The following SLC23A2 variants were observed in gnomAD, a reference collection of about 807,000 sequenced individuals.
The protein encoded by SLC23A2 is Na(+)/L-ascorbic acid transporter 2.
Under a neutral mutation model 73.3 loss-of-function variants are expected in SLC23A2, and 36 were observed. The ratio of observed to expected loss-of-function variants is 0.49; its 90% confidence interval spans 0.38 to 0.65. The LOEUF is 0.65. Among genes scored for constraint, SLC23A2 ranks in the 30% least tolerant of loss-of-function variants. The pLI, the probability that SLC23A2 is intolerant of heterozygous loss-of-function variation, is 0.00. For synonymous variants in SLC23A2, 343 were observed against 327.3 expected (o/e 1.05, Z -0.52); for missense variants, 507 against 841.6 (o/e 0.60, Z 4.92).
chr20:4,856,816 T>TC lies in SLC23A2; in HGVS notation c.*155dup. 1.6e-6 allele frequency: 1 copy of TC among 611,568 alleles called. No homozygotes were observed. Among genetic ancestry groups the TC allele is most frequent in the Non-Finnish European group, 2.9e-6 (1 of 344,178 alleles). 37.9% of individuals were successfully genotyped at this position (611,568 alleles called of 1,614,324 possible). A position where few individuals can be genotyped will look rare whatever the true frequency, so the allele number is the denominator to read the frequency against. On this transcript the variant is annotated 3_prime_UTR_variant, in exon 17 of 17. Transcript: ENST00000338244. The surrounding 1 kb of genome is among the most constrained non-coding windows in gnomAD (Gnocchi z 4.6). ...AGGCGAGACACCGCATCAGGCACCA[T>TC]CACCCTCACAGCAGAAAAGTGATTC...
intron 9 of SLC23A2, among the ~76,000 whole-genome samples, chr20:4,882,173 T>C (rs914373053): frequency 1.3e-5 from 2 of 152,038 alleles, no homozygotes; most frequent in African/African-American, 4.8e-5. Context: ...AGTCAGGAGT[T>C]TGAGACCAGC....
intron 2 of SLC23A2, among the ~76,000 whole-genome samples, chr20:4,945,166 G>T (rs1467693238): frequency 6.6e-6 from 1 of 152,122 alleles, no homozygotes; most frequent in Admixed American, 6.5e-5. Context: ...AGCAACGAAT[G>T]AACTTGTAAG....
rs551997534 is a variant in SLC23A2, at chr20:4,876,056, C to T, written c.825-1360G>A. Among the ~76,000 whole-genome samples the T allele has an allele frequency of 2.0e-5, 3 of 152,232 alleles. No homozygotes were observed. In the East Asian group the frequency reaches 5.8e-4, roughly 29 times the overall value. On this transcript the variant is annotated intron_variant, in intron 9 of 16. Coordinates refer to ENST00000338244, the MANE Select transcript of SLC23A2 (RefSeq NM_005116.6). ...ATCCATCAGGGGTCTCTGCCAGTAC[C>T]AGTTCAAGGTCGAAAACACACACAG...
intron 2 of SLC23A2, among the ~76,000 whole-genome samples, chr20:4,942,120 C>A (rs1445794539): frequency 2.0e-5 from 3 of 152,154 alleles, no homozygotes; most frequent in Admixed American, 6.6e-5. Context: ...AAGGCTGGTT[C>A]CCCTTACAGC....
intron 5 of SLC23A2, among the ~76,000 whole-genome samples, chr20:4,901,515 C>T (rs576736838): frequency 6.6e-6 from 1 of 152,140 alleles, no homozygotes; most frequent in East Asian, 1.9e-4. Flanking sequence ...AAACGTCCCG[C>T]GTTCATCCTA....
chr20:4,983,169 C>T (rs956621014), intron 1 of SLC23A2, among the ~76,000 whole-genome samples: 3 of 152,010 alleles, frequency 2.0e-5, no homozygotes, highest in Admixed American at 6.6e-5. Context: ...ACATTAAAAT[C>T]GATCAGAGAC....
At chr20:4,955,564 G>T (rs960686092) in intron 2 of SLC23A2, among the ~76,000 whole-genome samples, 1 of 152,132 alleles carries the variant, frequency 6.6e-6, no homozygotes, top group African/African-American at 2.4e-5. Context: ...CAAGGTAGGA[G>T]TAACACTTGA....
At chr20:4,927,125 C>T (rs1373043454) in intron 3 of SLC23A2, among the ~76,000 whole-genome samples, 1 of 152,040 alleles carries the variant, frequency 6.6e-6, no homozygotes, top group Non-Finnish European at 1.5e-5. Flanking sequence ...TAGCCACTAG[C>T]CACGTGTGGC....
chr20:4,882,953 C>T (rs1930951409), intron 9 of SLC23A2, among the ~76,000 whole-genome samples: 1 of 152,196 alleles, frequency 6.6e-6, no homozygotes, highest in Admixed American at 6.5e-5. Context: ...TCTGCAGACA[C>T]ATAGAGAATG....
At chr20:5,005,690 C>G (rs759886342), upstream of SLC23A2, among the ~76,000 whole-genome samples, 1 of 152,110 alleles carries the variant, frequency 6.6e-6, no homozygotes, top group Non-Finnish European at 1.5e-5. Context: ...AGGTACAGTA[C>G]TTATATAATG....
At chr20:4,993,999 A>T (rs895528833) in intron 1 of SLC23A2, among the ~76,000 whole-genome samples, 1 of 152,138 alleles carries the variant, frequency 6.6e-6, no homozygotes, top group African/African-American at 2.4e-5. Flanking sequence ...CTGAAGTGGG[A>T]GGATCTCTTG....
At chr20:4,876,305 C>T (rs1165459348) in intron 9 of SLC23A2, among the ~76,000 whole-genome samples, 1 of 152,164 alleles carries the variant, frequency 6.6e-6, no homozygotes, top group Non-Finnish European at 1.5e-5. Flanking sequence ...CACACCTGCA[C>T]ATTTAAGAGG....
chr20:4,937,317 A>G (rs970055993), intron 2 of SLC23A2, among the ~76,000 whole-genome samples: 4 of 152,176 alleles, frequency 2.6e-5, no homozygotes, highest in Non-Finnish European at 5.9e-5. Flanking sequence ...TGTGTGTGCC[A>G]ACCCGTGGTC....
chr20:4,925,151 T>G (rs1932627613), intron 3 of SLC23A2, among the ~76,000 whole-genome samples: 1 of 150,598 alleles, frequency 6.6e-6, no homozygotes, highest in East Asian at 2.0e-4. Context: ...ACACTGCACT[T>G]CAGCCTGAAT....
At chr20:4,963,337 C>T (rs1204216543) in intron 2 of SLC23A2, among the ~76,000 whole-genome samples, 1 of 152,062 alleles carries the variant, frequency 6.6e-6, no homozygotes, top group Non-Finnish European at 1.5e-5. Context: ...AGAAAATAAG[C>T]GAAGGGTATA....
chr20:4,922,635 T>TG (rs1396637055), intron 3 of SLC23A2, among the ~76,000 whole-genome samples: 1 of 152,100 alleles, frequency 6.6e-6, no homozygotes, highest in Non-Finnish European at 1.5e-5. Flanking sequence ...GAGACCATCC[T>TG]GGCCAACATG....
intron 2 of SLC23A2, among the ~76,000 whole-genome samples, chr20:4,959,147 A>G (rs954225101): frequency 7.2e-5 from 11 of 151,900 alleles, no homozygotes; most frequent in Non-Finnish European, 1.0e-4. Context: ...TGAACCCAGG[A>G]GGCAGAGGTT....
In SLC23A2 at chr20:4,998,368, G is replaced by A. The variant is rs1449616721; in HGVS notation, c.-282+3038C>T. Among the ~76,000 whole-genome samples, 1 of 152,152 alleles carries A rather than the reference G, an allele frequency of 6.6e-6. No homozygotes were observed. The highest frequency in any genetic ancestry group is 1.5e-5 in the Non-Finnish European group (1 of 68,032). ...TATGAAAGGCCTATGAAAGGTGCAA[G>A]CTGAAAGCAGACCTCAATTACAGGA... On this transcript the variant is annotated intron_variant, in intron 1 of 16. Transcript: ENST00000338244. This position sits in a 1 kb window ranked among gnomAD's most constrained non-coding sequence, Gnocchi z 4.1.
rs1929749258 is a variant in SLC23A2, at chr20:4,857,273, G to A, written c.1721-69C>T. The A allele has an allele frequency of 1.7e-5, 10 of 598,296 alleles. No homozygotes were observed. Among genetic ancestry groups the A allele is most frequent in the Non-Finnish European group, 1.2e-5 (4 of 344,888 alleles). 37.1% of individuals were successfully genotyped at this position (598,296 alleles called of 1,614,324 possible). A position where few individuals can be genotyped will look rare whatever the true frequency, so the allele number is the denominator to read the frequency against. On this transcript the variant is annotated intron_variant, in intron 16 of 16. Coordinates refer to ENST00000338244, the MANE Select transcript of SLC23A2 (RefSeq NM_005116.6). The surrounding 1 kb of genome is among the most constrained non-coding windows in gnomAD (Gnocchi z 4.0). ...CAGCTCTACTGAAAATGAAACTGTC[G>A]TCAAACACATACACACACACACACA...
Sources: allele counts gnomAD v4.1 joint callset (sites outside exome capture counted in the v4.1 genomes callset), GRCh38; gene constraint gnomAD v4.1.1; non-coding constraint Gnocchi (gnomAD v3.1); transcripts MANE v1.5; gene names NCBI Gene and HGNC (gene_info 2026-07-23, HGNC 2026-07-21).